The following VPS53 variants were observed in gnomAD, a reference collection of about 807,000 sequenced individuals.
VPS53 encodes the protein vacuolar protein sorting-associated protein 53 homolog.
A neutral mutation model predicts 107.0 loss-of-function variants in VPS53; 70 were observed. The observed-to-expected ratio is 0.65, with a 90% CI of 0.54 to 0.80. The LOEUF (loss-of-function observed/expected upper bound fraction) is 0.80, where lower values mean the gene tolerates loss of function less well. Ranked by LOEUF, VPS53 falls within the 30% of genes least tolerant of loss-of-function variation. The pLI, the probability that VPS53 is intolerant of heterozygous loss-of-function variation, is 0.00. For missense variants in VPS53, 917 were observed against 1,049.4 expected, an observed-to-expected ratio of 0.87 and a Z score of 1.74; for synonymous variants, 409 against 393.3, an observed-to-expected ratio of 1.04 and a Z score of -0.47.
chr17:621,974 G>A (rs529490944), intron 11 of VPS53, among the ~76,000 whole-genome samples: 8 of 152,244 alleles, frequency 5.3e-5, no homozygotes, highest in African/African-American at 1.7e-4. Context: ...CACTTTGGGA[G>A]GCCGAGGCGG....
intron 11 of VPS53, among the ~76,000 whole-genome samples, chr17:622,381 C>T (rs899997086): frequency 4.1e-5 from 4 of 96,464 alleles, no homozygotes; most frequent in Non-Finnish European, 7.4e-5. Flanking sequence ...TATTGTTACC[C>T]GCAGTTTAAA....
rs1395880240 is a variant in VPS53, at chr17:518,186, G to A, written c.*942C>T. The A allele has an allele frequency of 6.6e-6, 1 of 150,444 alleles. No homozygotes were observed. Among genetic ancestry groups the A allele is most frequent in the East Asian group, 2.0e-4 (1 of 5,034 alleles). 9.3% of individuals were successfully genotyped at this position (150,444 alleles called of 1,614,324 possible). A position where few individuals can be genotyped will look rare whatever the true frequency, so the allele number is the denominator to read the frequency against. On this transcript the variant is annotated 3_prime_UTR_variant, in exon 22 of 22. Transcript: ENST00000437048. ...CCGAGTGAATCAGGGTTAACGGCTT[G>A]ATATGCTGCCATTCTCTGGATGCAG...
At position 654,309 on chromosome 17, in the gene VPS53, C is replaced by T. The variant is rs114048881; in HGVS notation, c.489-899G>A. 4.1e-3 allele frequency among the ~76,000 whole-genome samples: 622 copies of T among 152,200 alleles called. 4 individuals are homozygous for T. The highest frequency in any genetic ancestry group is 0.014 in the African/African-American group (595 of 41,520). The stretch of plus-strand genomic sequence containing the variant: ...CTTTCCCTACTGCTAAGGTTAATGA[C>T]GCTTAAATAAAAGGATGCTGATAAA... On this transcript the variant is annotated intron_variant, in intron 6 of 21. Coordinates refer to ENST00000437048, the MANE Select transcript of VPS53 (RefSeq NM_001128159.3).
chr17:652,522 G>A (rs770653628), intron 7 of VPS53, among the ~76,000 whole-genome samples: 53 of 152,122 alleles, frequency 3.5e-4, no homozygotes, highest in Non-Finnish European at 7.1e-4. Flanking sequence ...CTTACCGTGA[G>A]GAAGTCCAAG....
At chr17:656,834 T>C in intron 5 of VPS53, 6 of 1,587,620 alleles carry the variant, frequency 3.8e-6, no homozygotes, top group Non-Finnish European at 4.3e-6. Context: ...CTTGTCTCTC[T>C]CTTCAGCAAT....
intron 11 of VPS53, among the ~76,000 whole-genome samples, chr17:602,130 C>A (rs904291804): frequency 1.3e-5 from 2 of 152,234 alleles, no homozygotes; most frequent in Non-Finnish European, 2.9e-5. Flanking sequence ...AACGCTCACG[C>A]ATCCTCAGTC....
At chr17:604,572 T>C (rs1003343003) in intron 11 of VPS53, among the ~76,000 whole-genome samples, 1 of 152,186 alleles carries the variant, frequency 6.6e-6, no homozygotes, top group Non-Finnish European at 1.5e-5. Context: ...GCCTCCTGAG[T>C]AGCTGGGACT....
chr17:633,251 C>T (rs1184540164), intron 7 of VPS53, among the ~76,000 whole-genome samples: 1 of 152,184 alleles, frequency 6.6e-6, no homozygotes, highest in Non-Finnish European at 1.5e-5. Flanking sequence ...CTGTGCATCC[C>T]CCACGAGCTG....
chr17:694,533 C>G (rs1241056055), intron 4 of VPS53, among the ~76,000 whole-genome samples: 1 of 152,188 alleles, frequency 6.6e-6, no homozygotes, highest in African/African-American at 2.4e-5. Context: ...TGTAAGACTT[C>G]TAGTGAGCCA....
chr17:660,523 G>C (rs1971397032), intron 5 of VPS53, among the ~76,000 whole-genome samples: 1 of 152,206 alleles, frequency 6.6e-6, no homozygotes, highest in Non-Finnish European at 1.5e-5. Context: ...ACACAGATTA[G>C]CATCATAAGG....
intron 7 of VPS53, among the ~76,000 whole-genome samples, chr17:651,199 C>T (rs907652620): frequency 1.9e-4 from 29 of 152,188 alleles, no homozygotes; most frequent in African/African-American, 6.5e-4. Context: ...AATACACACA[C>T]ACAAATCCGC....
At chr17:529,608 T>C (rs1005976709) in intron 19 of VPS53, among the ~76,000 whole-genome samples, 1 of 152,228 alleles carries the variant, frequency 6.6e-6, no homozygotes, top group African/African-American at 2.4e-5. Flanking sequence ...GAGTCTTTCT[T>C]ATCAATGAAC....
chr17:673,111 C>CA (rs144893124), intron 4 of VPS53, among the ~76,000 whole-genome samples: 14,226 of 84,634 alleles, frequency 0.17, 922 homozygotes, highest in East Asian at 0.28. Flanking sequence ...GATTCCGTCG[C>CA]AAAAAAAAAA....
chr17:588,916 C>A (rs1442644133), intron 12 of VPS53, among the ~76,000 whole-genome samples: 1 of 152,084 alleles, frequency 6.6e-6, no homozygotes, highest in Non-Finnish European at 1.5e-5. Flanking sequence ...AAGTCAGTAT[C>A]TTTTATTATT....
intron 19 of VPS53, among the ~76,000 whole-genome samples, chr17:527,465 T>A (rs1315785199): frequency 6.6e-6 from 1 of 152,100 alleles, no homozygotes; most frequent in Admixed American, 6.6e-5. Flanking sequence ...TACTCAAGAG[T>A]AGAACTGCTG....
chr17:535,004 C>T (rs1567604160), intron 18 of VPS53, among the ~76,000 whole-genome samples: 1 of 152,002 alleles, frequency 6.6e-6, no homozygotes, highest in Non-Finnish European at 1.5e-5. Context: ...GTATGAGGAC[C>T]TGACACACGT....
At chr17:713,885 A>ACCC (rs1973740064) in intron 1 of VPS53, among the ~76,000 whole-genome samples, 1 of 151,276 alleles carries the variant, frequency 6.6e-6, no homozygotes. Context: ...TACCCCAAAA[A>ACCC]AAAAAAAAAA....
intron 13 of VPS53, among the ~76,000 whole-genome samples, chr17:584,345 A>C (rs551448135): frequency 1.3e-5 from 2 of 152,188 alleles, no homozygotes; most frequent in South Asian, 2.1e-4. Context: ...TCCTTTTCTA[A>C]TGCCCCCTCA....
Position 519,786 on chromosome 17 carries a change from G to T in VPS53, c.2328+40C>A. On this transcript the variant is annotated intron_variant, in intron 21 of 21. Transcript: ENST00000437048. The surrounding 1 kb of genome is among the most constrained non-coding windows in gnomAD (Gnocchi z 5.0). The stretch of plus-strand genomic sequence containing the variant: ...CCCGGTTAAGAACCGCTGAGTGTGA[G>T]GGGGATGAGCAGGTGTGGACCAAAT... The T allele has an allele frequency of 7.1e-7, 1 of 1,401,042 alleles. No individual in the cohort carries two copies. Among genetic ancestry groups the T allele is most frequent in the Non-Finnish European group, 9.9e-7 (1 of 1,010,156 alleles). 86.8% of individuals were successfully genotyped at this position (1,401,042 alleles called of 1,614,324 possible).
Sources: gnomAD v4.1 joint callset for allele counts (sites outside exome capture counted in the v4.1 genomes callset) on GRCh38, gnomAD v4.1.1 for gene constraint, Gnocchi (gnomAD v3.1) non-coding constraint, MANE v1.5 for transcripts, NCBI Gene and HGNC (gene_info 2026-07-23, HGNC 2026-07-21) for gene names.